Variants in FGF14 observed in about 807,000 individuals in gnomAD.
The protein encoded by FGF14 is fibroblast growth factor homologous factor 4.
Under a neutral mutation model 25.5 loss-of-function variants are expected in FGF14, and 5 were observed. That is an observed-to-expected ratio of 0.20 (90% confidence interval 0.10 to 0.41). FGF14 has a LOEUF of 0.41. Ranked by LOEUF, FGF14 falls within the 10% of genes least tolerant of loss-of-function variation. The pLI is 1.00. For synonymous variants in FGF14, 138 were observed against 118.3 expected, an observed-to-expected ratio of 1.17 and a Z score of -1.08; for missense variants, 222 against 320.1, an observed-to-expected ratio of 0.69 and a Z score of 2.34.
chr13:102,362,040 G>A (rs2057580971), intron 1 of FGF14, among the ~76,000 whole-genome samples: 1 of 152,034 alleles, frequency 6.6e-6, no homozygotes, highest in Non-Finnish European at 1.5e-5. Context: ...CTTATTTGAA[G>A]TATTGTCGTG....
At chr13:102,008,676 T>C (rs1366344204) in intron 1 of FGF14, among the ~76,000 whole-genome samples, 1 of 152,162 alleles carries the variant, frequency 6.6e-6, no homozygotes, top group Non-Finnish European at 1.5e-5. Context: ...TCTCTTGAAC[T>C]ACAAAAATAT....
intron 1 of FGF14, among the ~76,000 whole-genome samples, chr13:101,884,276 G>A (rs777070056): frequency 2.0e-4 from 30 of 151,898 alleles, no homozygotes; most frequent in Non-Finnish European, 3.5e-4. Flanking sequence ...CAGTGAAGGG[G>A]CACTGACAGA....
intron 1 of FGF14, among the ~76,000 whole-genome samples, chr13:102,171,972 GTATTTATTTATT>G (rs58098373): frequency 3.8e-4 from 56 of 146,208 alleles, no homozygotes; most frequent in Admixed American, 4.1e-4. Flanking sequence ...CACTTACCAT[GTATTTATTTATT>G]TATTTATTTA....
At chr13:101,809,272 TTA>T (rs1196547730) in intron 3 of FGF14, among the ~76,000 whole-genome samples, 1 of 152,126 alleles carries the variant, frequency 6.6e-6, no homozygotes, top group Non-Finnish European at 1.5e-5. Flanking sequence ...TTCTAGAATA[TTA>T]TTTTTGTTTT....
intron 1 of FGF14, among the ~76,000 whole-genome samples, chr13:102,379,973 G>A (rs1328499913): frequency 6.6e-6 from 1 of 152,050 alleles, no homozygotes; most frequent in African/African-American, 2.4e-5. Context: ...GCTCACTAAT[G>A]ATGGCTTCAA....
chr13:101,890,790 C>T (rs1385177855), intron 1 of FGF14, among the ~76,000 whole-genome samples: 1 of 152,178 alleles, frequency 6.6e-6, no homozygotes, highest in Non-Finnish European at 1.5e-5. Flanking sequence ...CTTGCTCAGA[C>T]ATCTGCAGCA....
At chr13:102,382,454 A>G (rs1425518495) in intron 1 of FGF14, among the ~76,000 whole-genome samples, 1 of 152,146 alleles carries the variant, frequency 6.6e-6, no homozygotes, top group East Asian at 1.9e-4. Context: ...AATTACTACT[A>G]TCAAAAAAAC....
At chr13:101,975,457 T>C (rs913113492) in intron 1 of FGF14, among the ~76,000 whole-genome samples, 2 of 152,152 alleles carry the variant, frequency 1.3e-5, no homozygotes, top group Non-Finnish European at 2.9e-5. Flanking sequence ...CTTCTTGTTC[T>C]CATCAACTCT....
rs947469182 is a variant in FGF14, at chr13:102,382,235, C to T, written c.208+19236G>A. Among the ~76,000 whole-genome samples, 3 of 152,020 alleles carry T rather than the reference C, an allele frequency of 2.0e-5. No homozygotes were observed. The East Asian group carries it at 5.8e-4, about 29-fold the overall frequency. On this transcript the variant is annotated intron_variant, in intron 1 of 4. Transcript: ENST00000376131. The stretch of plus-strand genomic sequence containing the variant: ...GGATAAAATACTTCTAAATCATATA[C>T]CTGATAAGAAACTTGTATCTAGAAT...
chr13:102,321,240 A>G (rs1389560114), intron 1 of FGF14, among the ~76,000 whole-genome samples: 2 of 152,170 alleles, frequency 1.3e-5, no homozygotes, highest in Non-Finnish European at 2.9e-5. Context: ...AAAGCTTTCA[A>G]TTCAGTGCTG....
At chr13:102,165,686 G>C (rs1276332612) in intron 1 of FGF14, among the ~76,000 whole-genome samples, 1 of 93,364 alleles carries the variant, frequency 1.1e-5, no homozygotes, top group African/African-American at 4.1e-5. Flanking sequence ...AGGGGGGAGG[G>C]ATAGCATTAG....
chr13:102,182,189 A>G (rs142358863), intron 1 of FGF14, among the ~76,000 whole-genome samples: 32 of 152,266 alleles, frequency 2.1e-4, no homozygotes, highest in African/African-American at 7.5e-4. Context: ...TGGCAATAGA[A>G]GCAGGTTTAC....
At chr13:102,343,836 T>G (rs1444894988) in intron 1 of FGF14, among the ~76,000 whole-genome samples, 1 of 152,190 alleles carries the variant, frequency 6.6e-6, no homozygotes, top group African/African-American at 2.4e-5. Context: ...GACATTAAGA[T>G]ACATTTTTCA....
intron 1 of FGF14, among the ~76,000 whole-genome samples, chr13:101,879,892 A>G (rs2045605048): frequency 6.6e-6 from 1 of 152,202 alleles, no homozygotes; most frequent in Non-Finnish European, 1.5e-5. Context: ...TTAAAGATAT[A>G]TATTATCATA....
chr13:101,775,523 A>AGT (rs34273365), intron 3 of FGF14, among the ~76,000 whole-genome samples: 32 of 151,404 alleles, frequency 2.1e-4, no homozygotes, highest in Non-Finnish European at 2.8e-4. Flanking sequence ...TTCTGGGGTG[A>AGT]GTGTGTGTGT....
chr13:101,787,520 A>C (rs1378240735), intron 3 of FGF14, among the ~76,000 whole-genome samples: 1 of 152,146 alleles, frequency 6.6e-6, no homozygotes, highest in Non-Finnish European at 1.5e-5. Context: ...CTGGAAAAAA[A>C]GGATTGTGTC....
chr13:102,248,753 T>C (rs117982315), intron 1 of FGF14, among the ~76,000 whole-genome samples: 139 of 152,102 alleles, frequency 9.1e-4, no homozygotes, highest in Non-Finnish European at 1.5e-3. Flanking sequence ...ACATATTACA[T>C]GCAGAAAGAA....
At chr13:102,401,201 C>G (rs111810220) in intron 1 of FGF14, among the ~76,000 whole-genome samples, 7 of 148,900 alleles carry the variant, frequency 4.7e-5, no homozygotes, top group African/African-American at 1.8e-4. Flanking sequence ...CATAGGCAAC[C>G]AAATACATTA....
intron 3 of FGF14, among the ~76,000 whole-genome samples, chr13:101,826,915 T>C (rs1023687684): frequency 1.3e-5 from 2 of 151,910 alleles, no homozygotes; most frequent in African/African-American, 4.8e-5. Context: ...AAATAACCAA[T>C]TGCCTCGGTA....
Sources: gnomAD v4.1 joint callset for allele counts (sites outside exome capture counted in the v4.1 genomes callset) on GRCh38, gnomAD v4.1.1 for gene constraint, MANE v1.5 for transcripts, NCBI Gene and HGNC (gene_info 2026-07-23, HGNC 2026-07-21) for gene names.